NTM: variants seen among roughly 807,000 people sequenced by gnomAD.
NTM encodes neurotrimin, also known as IgLON family member 2.
Under a neutral mutation model 42.1 loss-of-function variants are expected in NTM, and 13 were observed. The ratio of observed to expected loss-of-function variants is 0.31; its 90% CI spans 0.20 to 0.49. The LOEUF (loss-of-function observed/expected upper bound fraction) is 0.49, where lower values mean the gene tolerates loss of function less well. Among genes scored for constraint, NTM ranks in the 20% least tolerant of loss-of-function variants. The pLI is 0.99. For missense variants in NTM, 373 were observed against 452.8 expected, an observed-to-expected ratio of 0.82 and a Z score of 1.60; for synonymous variants, 187 against 179.2, an observed-to-expected ratio of 1.04 and a Z score of -0.35.
At chr11:132,018,074 T>G (rs1376053318) in intron 2 of NTM, among the ~76,000 whole-genome samples, 4 of 151,870 alleles carry the variant, frequency 2.6e-5, no homozygotes, top group Non-Finnish European at 4.4e-5. Flanking sequence ...AAGGACAATT[T>G]TATTTCTTTA....
chr11:131,836,140 G>A (rs1300767597), intron 1 of NTM, among the ~76,000 whole-genome samples: 1 of 152,126 alleles, frequency 6.6e-6, no homozygotes, highest in Non-Finnish European at 1.5e-5. Flanking sequence ...TGTTTACCAT[G>A]TGCATACTTA....
At chr11:131,876,013 G>A (rs2048489259) in intron 1 of NTM, among the ~76,000 whole-genome samples, 1 of 152,166 alleles carries the variant, frequency 6.6e-6, no homozygotes, top group African/African-American at 2.4e-5. Context: ...ATTTTGTTTT[G>A]AACTTCTCTG....
chr11:131,767,939 G>A (rs1195229858), intron 1 of NTM, among the ~76,000 whole-genome samples: 1 of 152,146 alleles, frequency 6.6e-6, no homozygotes, highest in Non-Finnish European at 1.5e-5. Flanking sequence ...GGGATGGGGA[G>A]TGGGTGATGA....
intron 3 of NTM, among the ~76,000 whole-genome samples, chr11:132,161,675 G>A (rs2074326281): frequency 6.6e-6 from 1 of 151,764 alleles, no homozygotes; most frequent in South Asian, 2.1e-4. Flanking sequence ...CTTGCCAGTT[G>A]CCATCCCTCT....
In NTM at chr11:132,128,771, TAAAAA is replaced by T. The variant is rs1243028055; in HGVS notation, c.168-17508_168-17504del. On this transcript the variant is annotated intron_variant, in intron 2 of 8. Coordinates refer to ENST00000683400, the MANE Select transcript of NTM (RefSeq NM_001352005.2). ...CTACTAAAAAAAAAATAATAAAAAA[TAAAAA>T]AATAAAATAAAATTAGCCGAGTGCG... Among the ~76,000 whole-genome samples the T allele has an allele frequency of 2.0e-5, 3 of 149,828 alleles. No homozygotes were observed. The East Asian group carries it at 5.9e-4, about 29-fold the overall frequency.
At chr11:131,975,560 A>G (rs2064206549) in intron 2 of NTM, among the ~76,000 whole-genome samples, 1 of 152,122 alleles carries the variant, frequency 6.6e-6, no homozygotes, top group Non-Finnish European at 1.5e-5. Flanking sequence ...AAAACCTCCA[A>G]ACAAAACCCC....
intron 1 of NTM, chr11:131,777,154 A>G: frequency 4.5e-6 from 3 of 669,902 alleles, no homozygotes; most frequent in Non-Finnish European, 5.5e-6. Context: ...TAACATCTCC[A>G]CCAATGCCCA....
chr11:131,425,521 C>T (rs932544902), intron 1 of NTM, among the ~76,000 whole-genome samples: 8 of 152,188 alleles, frequency 5.3e-5, no homozygotes, highest in Non-Finnish European at 7.3e-5. Context: ...AAGCCAGGGT[C>T]GAATATTGGC....
At chr11:131,708,935 G>A (rs181778514) in intron 1 of NTM, among the ~76,000 whole-genome samples, 71 of 152,332 alleles carry the variant, frequency 4.7e-4, no homozygotes, top group Non-Finnish European at 8.7e-4. Flanking sequence ...AGGAGGTGGG[G>A]TTGCAATTTT....
chr11:131,830,528 G>A (rs2042690360), intron 1 of NTM, among the ~76,000 whole-genome samples: 1 of 152,034 alleles, frequency 6.6e-6, no homozygotes, highest in African/African-American at 2.4e-5. Context: ...TGGTCTATAT[G>A]TCTGTTTTTG....
In NTM at chr11:131,945,479, A is replaced by G. The variant is rs538752539; in HGVS notation, c.167+33831A>G. Among the ~76,000 whole-genome samples the G allele has an allele frequency of 2.0e-5, 3 of 152,332 alleles. No individual in the cohort carries two copies. In the South Asian group the frequency reaches 6.2e-4, roughly 32 times the overall value. On this transcript the variant is annotated intron_variant, in intron 2 of 8. Coordinates refer to ENST00000683400, the MANE Select transcript of NTM (RefSeq NM_001352005.2). ...CTGGTCCACTTGAGGTTAAAAGTTG[A>G]GGCGGGGTGAATCTAGAATGAGCCC... is the stretch of plus-strand genomic sequence containing the variant.
At chr11:132,218,069 A>G (rs934775216) in intron 4 of NTM, among the ~76,000 whole-genome samples, 1 of 152,170 alleles carries the variant, frequency 6.6e-6, no homozygotes, top group African/African-American at 2.4e-5. Context: ...CTGGCGTGCC[A>G]TCGGCTGACT....
At chr11:131,624,714 A>G (rs1028713565) in intron 1 of NTM, among the ~76,000 whole-genome samples, 5 of 152,254 alleles carry the variant, frequency 3.3e-5, no homozygotes, top group African/African-American at 1.2e-4. Flanking sequence ...AGATGTGCCC[A>G]TCCACGCTAA....
chr11:131,800,178 A>C (rs117126300), intron 1 of NTM, among the ~76,000 whole-genome samples: 289 of 152,376 alleles, frequency 1.9e-3, no homozygotes, highest in Middle Eastern at 3.4e-3. Context: ...ATTTTCAAAC[A>C]TGAAGGGTCT....
At chr11:131,898,904 A>G (rs1248954320) in intron 1 of NTM, among the ~76,000 whole-genome samples, 1 of 152,172 alleles carries the variant, frequency 6.6e-6, no homozygotes, top group African/African-American at 2.4e-5. Flanking sequence ...ACTCAGGCTC[A>G]TGCATGATCT....
chr11:131,580,132 G>A (rs1439062722), intron 1 of NTM, among the ~76,000 whole-genome samples: 2 of 152,194 alleles, frequency 1.3e-5, no homozygotes, highest in African/African-American at 4.8e-5. Context: ...AGAGCTCATC[G>A]GCCGCCATCT....
intron 7 of NTM, 177 bp from the exon 8 acceptor site, chr11:132,329,976 G>C (rs2095765832): frequency 1.8e-6 from 1 of 570,958 alleles, no homozygotes; most frequent in Non-Finnish European, 2.2e-6. Flanking sequence ...CAGAAAACCA[G>C]AGGGGGGTCA....
intron 1 of NTM, among the ~76,000 whole-genome samples, chr11:131,801,497 G>A (rs1196566250): frequency 3.3e-5 from 5 of 152,174 alleles, no homozygotes; most frequent in East Asian, 1.9e-4. Context: ...TGGAGACAGA[G>A]CCTGTGGCAG....
rs149443903 is a variant in NTM, at chr11:131,883,948, G to A, written c.83-27616G>A. Reference sequence around the variant, plus strand: ...AGGGATGCATGTTTGTGTGCACTGGGGGAGGAAGTGGCCATATGATAGCTA... The same window carrying A: ...AGGGATGCATGTTTGTGTGCACTGGAGGAGGAAGTGGCCATATGATAGCTA... On this transcript the variant is annotated intron_variant, in intron 1 of 8. Coordinates refer to ENST00000683400, the MANE Select transcript of NTM (RefSeq NM_001352005.2). Among the ~76,000 whole-genome samples the A allele has an allele frequency of 4.5e-3, 684 of 152,260 alleles. 3 individuals are homozygous for A. The highest frequency in any genetic ancestry group is 6.8e-3 in the Non-Finnish European group (461 of 68,018).
Sources: gnomAD v4.1 joint callset for allele counts (sites outside exome capture counted in the v4.1 genomes callset) on GRCh38, gnomAD v4.1.1 for gene constraint, MANE v1.5 for transcripts, NCBI Gene and HGNC (gene_info 2026-07-23, HGNC 2026-07-21) for gene names.